The following NALCN variants were observed in gnomAD, a reference collection of about 807,000 sequenced individuals.
NALCN encodes sodium leak channel NALCN.
NALCN carries 111 observed loss-of-function variants against 225.3 expected under a neutral mutation model. The observed-to-expected ratio is 0.49, with a 90% CI of 0.42 to 0.58. The LOEUF (loss-of-function observed/expected upper bound fraction) is 0.58. Ranked by LOEUF, NALCN falls within the 20% of genes least tolerant of loss-of-function variation. NALCN has a pLI of 0.00. For synonymous variants in NALCN, 764 were observed against 769.0 expected (o/e 0.99, Z 0.11); for missense variants, 1,378 against 2,202.4 (o/e 0.63, Z 7.49).
intron 14 of NALCN, among the ~76,000 whole-genome samples, chr13:101,186,169 G>A (rs2039439515): frequency 6.6e-6 from 1 of 152,168 alleles, no homozygotes; most frequent in African/African-American, 2.4e-5. Context: ...AAGGCAGATT[G>A]GGAACAACTG....
chr13:101,331,561 G>A (rs975181164), intron 7 of NALCN, among the ~76,000 whole-genome samples: 1 of 152,088 alleles, frequency 6.6e-6, no homozygotes, highest in African/African-American at 2.4e-5. Flanking sequence ...GTGTAACCCA[G>A]GGTCCCTGGG....
chr13:101,276,687 T>C (rs186660498), intron 10 of NALCN, among the ~76,000 whole-genome samples: 1 of 152,296 alleles, frequency 6.6e-6, no homozygotes, highest in East Asian at 1.9e-4. Context: ...AAGATGCCTA[T>C]ATTCTCCTCC....
In NALCN at chr13:101,191,923, G is replaced by T. The variant is rs368800753; in HGVS notation, c.1758C>A (p.Ala586=). The part of the protein sequence containing the change: ...AIYFILYHLF[A]TLILLSLFVA... ...AAAAAAATGCTGAACTCACCAGAGT[G>T]GCAAAAAGATGATAGAGAATGAAAT... The change falls in exon 14 of 44, where the codon GCC becomes GCA. Residue 586 remains alanine, a synonymous_variant. Coordinates refer to ENST00000251127, the MANE Select transcript of NALCN (RefSeq NM_052867.4). 8.1e-6 allele frequency: 13 copies of T among 1,608,280 alleles called. No homozygotes were observed. Among genetic ancestry groups the T allele is most frequent in the Non-Finnish European group, 1.1e-5 (13 of 1,177,586 alleles).
At chr13:101,090,712 C>A (rs1480974078) in intron 28 of NALCN, among the ~76,000 whole-genome samples, 1 of 152,114 alleles carries the variant, frequency 6.6e-6, no homozygotes, top group Non-Finnish European at 1.5e-5. Context: ...TTGGCTTATT[C>A]ATTTTCTGTT....
rs763294012 is a variant in NALCN at position 101,229,371 on chromosome 13, A to G, written c.1626+22T>C. 5 of 1,502,584 alleles carry G rather than the reference A, an allele frequency of 3.3e-6. No individual in the cohort carries two copies. In the African/African-American group the frequency reaches 7.1e-5, roughly 21 times the overall value. The allele number at this position is 1,502,584 out of a possible 1,614,324, so 93.1% of individuals were successfully genotyped here. A position where few individuals can be genotyped will look rare whatever the true frequency, so the allele number is the denominator to read the frequency against. On this transcript the variant is annotated intron_variant, in intron 13 of 43. Coordinates refer to ENST00000251127, the MANE Select transcript of NALCN (RefSeq NM_052867.4). ...AAAATAAGAACAATGAATTTAACTT[A>G]CTGCATTTTTAAAACTCTTACCCTC...
intron 33 of NALCN, among the ~76,000 whole-genome samples, chr13:101,082,094 T>A (rs947965852): frequency 5.3e-5 from 8 of 152,254 alleles, no homozygotes; most frequent in Non-Finnish European, 5.9e-5. Context: ...GCCAGGCTGG[T>A]CTCAAACTCC....
chr13:101,398,987 T>C, intron 2 of NALCN, 32 bp downstream of exon 2: 1 of 1,325,130 alleles, frequency 7.5e-7, no homozygotes, highest in Non-Finnish European at 1.1e-6. Context: ...CACATCCACA[T>C]ATGCTTCTCC....
At chr13:101,081,296 C>T (rs2033635201) in intron 34 of NALCN, among the ~76,000 whole-genome samples, 1 of 152,164 alleles carries the variant, frequency 6.6e-6, no homozygotes, top group East Asian at 1.9e-4. Flanking sequence ...TAGCTTGCAT[C>T]GTCTAGGTCT....
At position 101,137,913 on chromosome 13, in the gene NALCN, T is replaced by C. The variant is rs551104022; in HGVS notation, c.2118+5167A>G. Among the ~76,000 whole-genome samples the C allele has an allele frequency of 1.1e-4, 17 of 152,328 alleles. No homozygotes were observed. The South Asian group carries it at 3.5e-3, about 32-fold the overall frequency. On this transcript the variant is annotated intron_variant, in intron 17 of 43. Coordinates refer to ENST00000251127, the MANE Select transcript of NALCN (RefSeq NM_052867.4). ...ATTATTTGATTCTCACAACAAACCT[T>C]GAAAATGAGAATTATCTCCACTTTA...
intron 18 of NALCN, 69 bp from the exon 19 acceptor site, chr13:101,111,295 C>G: frequency 7.7e-7 from 1 of 1,292,262 alleles, no homozygotes. Context: ...CACATAAGTG[C>G]TCATTACTTT....
At chr13:101,319,426 AG>A (rs1395612206) in intron 7 of NALCN, among the ~76,000 whole-genome samples, 21 of 152,230 alleles carry the variant, frequency 1.4e-4, no homozygotes, top group African/African-American at 4.1e-4. Context: ...CACTTCTGAA[AG>A]ATGAAACCTT....
At position 101,104,443 on chromosome 13, in the gene NALCN, G is replaced by T. The variant is rs780203367; in HGVS notation, c.2758-17C>A. The T allele has an allele frequency of 1.2e-6, 2 of 1,612,462 alleles. No homozygotes were observed. The highest frequency in any genetic ancestry group is 4.5e-5 in the East Asian group (2 of 44,842). On this transcript the variant is annotated splice_polypyrimidine_tract_variant and intron_variant, in intron 24 of 43. Coordinates refer to ENST00000251127, the MANE Select transcript of NALCN (RefSeq NM_052867.4). This position sits in a 1 kb window ranked among gnomAD's most constrained non-coding sequence, Gnocchi z 4.2. ...CTCAGCAATCTGAAACGGGCAAAAG[G>T]CAGTTTGGTTACAATGAACGGAAAA...
intron 28 of NALCN, among the ~76,000 whole-genome samples, chr13:101,091,397 C>T (rs117346051): frequency 9.9e-5 from 15 of 152,262 alleles, no homozygotes; most frequent in Non-Finnish European, 2.1e-4. Context: ...TAGAGACAAT[C>T]ACAAGATGTG....
At chr13:101,164,514 C>G (rs1267102658) in intron 15 of NALCN, among the ~76,000 whole-genome samples, 1 of 152,134 alleles carries the variant, frequency 6.6e-6, no homozygotes, top group Non-Finnish European at 1.5e-5. Context: ...TGGTCTCCAA[C>G]TACTGGGCTC....
intron 7 of NALCN, among the ~76,000 whole-genome samples, chr13:101,325,908 G>C (rs1181730147): frequency 6.6e-6 from 1 of 152,122 alleles, no homozygotes; most frequent in African/African-American, 2.4e-5. Flanking sequence ...CTGATTAACA[G>C]AAGAAAACAG....
At chr13:101,320,884 G>C (rs1335587508) in intron 7 of NALCN, among the ~76,000 whole-genome samples, 1 of 151,954 alleles carries the variant, frequency 6.6e-6, no homozygotes, top group Non-Finnish European at 1.5e-5. Flanking sequence ...ACAATATCTT[G>C]TCGCATATCT....
chr13:101,373,497 T>G (rs1364521979), intron 6 of NALCN, among the ~76,000 whole-genome samples: 5 of 152,216 alleles, frequency 3.3e-5, no homozygotes, highest in Admixed American at 2.0e-4. Flanking sequence ...AAGATTGGTT[T>G]CTATTTAAAA....
chr13:101,176,296 T>C lies in NALCN; in HGVS notation c.1839+4A>G. ...TTAAAAAAAATCCCCCACACACTAC[T>C]TACTTGTTTAAGCTTCTTTAGGTCT... On this transcript the variant is annotated splice_donor_region_variant and intron_variant, in intron 15 of 43. Coordinates refer to ENST00000251127, the MANE Select transcript of NALCN (RefSeq NM_052867.4). The C allele has an allele frequency of 6.4e-7, 1 of 1,574,692 alleles. No homozygotes were observed. The highest frequency in any genetic ancestry group is 8.6e-7 in the Non-Finnish European group (1 of 1,165,306).
chr13:101,144,829 T>G lies in NALCN; in HGVS notation c.1907A>C (p.Lys636Thr). Residue 636 changes from lysine (K) to threonine (T), a missense_variant, in exon 16 of 44, where the codon AAA becomes ACA. Transcript: ENST00000251127. ...KLPLRLRIFEKFPNRPQMVKI... is the reference protein window; with the variant it reads ...KLPLRLRIFETFPNRPQMVKI... ...CACCATTTGAGGTCTGTTTGGAAAT[T>G]TTTCAAAGATTCGCAGGCGTAAAGG... 1 of 1,613,822 alleles carries G rather than the reference T, an allele frequency of 6.2e-7. No homozygotes were observed. Among genetic ancestry groups the G allele is most frequent in the South Asian group, 1.1e-5 (1 of 91,016 alleles).
Sources: gnomAD v4.1 joint callset for allele counts (sites outside exome capture counted in the v4.1 genomes callset) on GRCh38, gnomAD v4.1.1 for gene constraint, Gnocchi (gnomAD v3.1) non-coding constraint, MANE v1.5 for transcripts, NCBI Gene and HGNC (gene_info 2026-07-23, HGNC 2026-07-21) for gene names.